Variants in ERICH6B observed in about 807,000 individuals in gnomAD.
ERICH6B encodes the protein glutamate-rich protein 6B.
A neutral mutation model predicts 80.0 loss-of-function variants in ERICH6B; 69 were observed. That is an observed-to-expected ratio of 0.86 (90% CI 0.71 to 1.05). ERICH6B has a LOEUF of 1.05. Among genes scored for constraint, ERICH6B ranks in the 50% least tolerant of loss-of-function variants. The pLI is 0.00. For missense variants in ERICH6B, 754 were observed against 796.1 expected (o/e 0.95, Z 0.64); for synonymous variants, 283 against 291.9 (o/e 0.97, Z 0.31).
intron 1 of ERICH6B, among the ~76,000 whole-genome samples, chr13:45,615,150 T>C (rs1365565676): frequency 6.6e-6 from 1 of 152,206 alleles, no homozygotes; most frequent in Non-Finnish European, 1.5e-5. Flanking sequence ...CACATCTCCC[T>C]GGAAGGCCAG....
In ERICH6B at chr13:45,568,412, T is replaced by C; in HGVS notation, c.1090A>G (p.Ile364Val). The change falls in exon 9 of 15, where the codon ATC (isoleucine) becomes GTC (valine). Residue 364 changes from isoleucine to valine, a missense_variant. Physicochemically the swap from Ile to Val is conservative, Grantham distance 29 (BLOSUM62 3). Transcript: ENST00000298738. ...SSYQTVFKTI[I>V]KEMAAHNELE... ...TCATTGTGAGCAGCCATTTCTTTGATTATTGTTTTAAATACTGTCTGATAG... is the reference window on the plus strand; with the variant it reads ...TCATTGTGAGCAGCCATTTCTTTGACTATTGTTTTAAATACTGTCTGATAG... 6.5e-7 allele frequency: 1 copy of C among 1,550,222 alleles called. No individual in the cohort carries two copies. Among genetic ancestry groups the C allele is most frequent in the Non-Finnish European group, 8.7e-7 (1 of 1,146,428 alleles).
chr13:45,550,789 A>G (rs141352901), intron 11 of ERICH6B, among the ~76,000 whole-genome samples: 2 of 152,084 alleles, frequency 1.3e-5, no homozygotes, highest in African/African-American at 4.8e-5. Context: ...CCCAGTCTCT[A>G]CCTCTATCTT....
chr13:45,574,813 G>GGC lies in ERICH6B; in HGVS notation c.1050+28_1050+29insGC, dbSNP rs939749628. On this transcript the variant is annotated intron_variant, in intron 8 of 14. Transcript: ENST00000298738. The stretch of plus-strand genomic sequence containing the variant: ...ACCCTACATTTGGAGGAAGCTGGGG[G>GGC]GGGGGTCTCAAGTTTTTATCCAACT... The GGC allele has an allele frequency of 2.1e-5, 32 of 1,507,288 alleles. 1 individual carries two copies. In the African/African-American group the frequency reaches 4.0e-4, roughly 19 times the overall value. 93.4% of individuals were successfully genotyped at this position (1,507,288 alleles called of 1,614,324 possible).
chr13:45,567,699 A>C (rs1874976108), intron 9 of ERICH6B, among the ~76,000 whole-genome samples: 6 of 152,230 alleles, frequency 3.9e-5, no homozygotes, highest in Admixed American at 3.9e-4. Context: ...GCAGCATGAA[A>C]ATGAACTAAT....
chr13:45,580,618 T>C lies in ERICH6B; in HGVS notation c.904A>G (p.Lys302Glu), dbSNP rs1257441949. The part of the protein sequence containing the change: ...KSETEQETTT[K>E]LAPEEHVNTK... ...TAAACTTTACCTTCCGGAGCCAGCTTCGTGGTGGTTTCTTGCTCTGTTTCT... is the reference window on the plus strand; with the variant it reads ...TAAACTTTACCTTCCGGAGCCAGCTCCGTGGTGGTTTCTTGCTCTGTTTCT... Residue 302 changes from lysine to glutamate, a missense_variant, in exon 6 of 15, where the codon AAG becomes GAG. Transcript: ENST00000298738. 2 of 1,551,570 alleles carry C rather than the reference T, an allele frequency of 1.3e-6. No individual in the cohort carries two copies. The highest frequency in any genetic ancestry group is 1.7e-6 in the Non-Finnish European group (2 of 1,146,994).
intron 2 of ERICH6B, among the ~76,000 whole-genome samples, chr13:45,599,673 G>C (rs1949814497): frequency 6.6e-6 from 1 of 152,180 alleles, no homozygotes; most frequent in Non-Finnish European, 1.5e-5. Flanking sequence ...GCTGTTTTGG[G>C]ATCTGTTTCC....
chr13:45,606,332 G>A (rs1204799367), intron 2 of ERICH6B, among the ~76,000 whole-genome samples: 1 of 151,276 alleles, frequency 6.6e-6, no homozygotes, highest in Non-Finnish European at 1.5e-5. Flanking sequence ...TCAGATCTCA[G>A]AAGAATGGTA....
intron 9 of ERICH6B, among the ~76,000 whole-genome samples, chr13:45,567,144 G>A (rs1322380745): frequency 6.6e-6 from 1 of 152,214 alleles, no homozygotes; most frequent in Non-Finnish European, 1.5e-5. Context: ...AGTTAGAACA[G>A]CTGTATTCAT....
intron 11 of ERICH6B, among the ~76,000 whole-genome samples, chr13:45,560,156 T>A (rs1874607234): frequency 6.6e-6 from 1 of 152,228 alleles, no homozygotes; most frequent in Non-Finnish European, 1.5e-5. Context: ...AAACTGCTAT[T>A]GCTTTAAAGT....
In ERICH6B at chr13:45,546,748, G is replaced by A. The variant is rs535401094; in HGVS notation, c.1647-1763C>T. 2.6e-5 allele frequency among the ~76,000 whole-genome samples: 4 copies of A among 152,224 alleles called. No individual in the cohort carries two copies. The South Asian group carries it at 8.3e-4, about 32-fold the overall frequency. On this transcript the variant is annotated intron_variant, in intron 13 of 14. Transcript: ENST00000298738. Reference sequence around the variant, plus strand: ...GGTTTCCAGCTCCCTCTGCATTTGGGGGTCACTTTGTATATATGAACCTTT... The same window carrying A: ...GGTTTCCAGCTCCCTCTGCATTTGGAGGTCACTTTGTATATATGAACCTTT...
chr13:45,580,500 G>T, intron 6 of ERICH6B, 103 bp downstream of exon 6: 1 of 1,221,606 alleles, frequency 8.2e-7, no homozygotes, highest in Non-Finnish European at 1.2e-6. Context: ...ATGGCCAACA[G>T]CATGCTCTCC....
rs1386433384 is a variant in ERICH6B at position 45,548,222 on chromosome 13, A to G, written c.1646+1671T>C. ...AATGGAAATCGAAAAGTGACCTAAG[A>G]AGTATTCAGCTCTTGAAATGGCTTG... On this transcript the variant is annotated intron_variant, in intron 13 of 14. Coordinates refer to ENST00000298738, the MANE Select transcript of ERICH6B (RefSeq NM_182542.3). 5.3e-5 allele frequency among the ~76,000 whole-genome samples: 8 copies of G among 152,284 alleles called. 1 individual carries two copies. Among genetic ancestry groups the G allele is most frequent in the African/African-American group, 1.9e-4 (8 of 41,560 alleles).
chr13:45,614,007 G>A (rs1260874668), intron 1 of ERICH6B, among the ~76,000 whole-genome samples: 1 of 152,124 alleles, frequency 6.6e-6, no homozygotes, highest in Non-Finnish European at 1.5e-5. Context: ...ATCTCCAACA[G>A]GAGAAATGGG....
At chr13:45,561,554 A>T in intron 10 of ERICH6B, 28 bp from the exon 11 acceptor site, 1 of 1,547,412 alleles carries the variant, frequency 6.5e-7, no homozygotes, top group Non-Finnish European at 8.7e-7. Context: ...GATTGCATTG[A>T]ATAAGATTTT....
At chr13:45,571,918 C>A (rs1479926618) in intron 8 of ERICH6B, among the ~76,000 whole-genome samples, 1 of 152,168 alleles carries the variant, frequency 6.6e-6, no homozygotes, top group Non-Finnish European at 1.5e-5. Flanking sequence ...CACAAGGAAC[C>A]AACTGTGCCA....
At chr13:45,578,912 T>C (rs955112996) in intron 7 of ERICH6B, among the ~76,000 whole-genome samples, 2 of 151,996 alleles carry the variant, frequency 1.3e-5, no homozygotes, top group South Asian at 2.1e-4. Flanking sequence ...TAGCCAGGAG[T>C]GGTGGCATGC....
intron 8 of ERICH6B, 91 bp downstream of exon 8, chr13:45,574,751 A>G (rs1033078866): frequency 3.0e-6 from 3 of 997,716 alleles, no homozygotes; most frequent in African/African-American, 3.3e-5. Context: ...CTCAGAACCC[A>G]AGACCTCAGC....
At position 45,607,775 on chromosome 13, in the gene ERICH6B, C is replaced by T. The variant is rs563329682; in HGVS notation, c.-110-160G>A. Among the ~76,000 whole-genome samples the T allele has an allele frequency of 1.4e-3, 217 of 152,228 alleles. 8 individuals are homozygous for T. The South Asian group carries it at 0.042, about 29-fold the overall frequency. On this transcript the variant is annotated intron_variant, in intron 1 of 14. Coordinates refer to ENST00000298738, the MANE Select transcript of ERICH6B (RefSeq NM_182542.3). ...TTAAAGTTCCTTGGTCAGTAGCTTT[C>T]ATTGAATGTCCAACAGCAAATCAAA...
At position 45,563,713 on chromosome 13, in the gene ERICH6B, G is replaced by T; in HGVS notation, c.1249+14C>A. 1 of 1,551,390 alleles carries T rather than the reference G, an allele frequency of 6.4e-7. No individual in the cohort carries two copies. Among genetic ancestry groups the T allele is most frequent in the Non-Finnish European group, 8.7e-7 (1 of 1,146,330 alleles). ...GAGCCAGCACGTGGTGGAAAATGGT[G>T]GAGTGGTGCCTACCTTCACGTCTCC... On this transcript the variant is annotated intron_variant, in intron 10 of 14. Coordinates refer to ENST00000298738, the MANE Select transcript of ERICH6B (RefSeq NM_182542.3).
Sources: gnomAD v4.1 joint callset for allele counts (sites outside exome capture counted in the v4.1 genomes callset) on GRCh38, gnomAD v4.1.1 for gene constraint, MANE v1.5 for transcripts, NCBI Gene and HGNC (gene_info 2026-07-23, HGNC 2026-07-21) for gene names.